The following DNAH8 variants were observed in gnomAD, a reference collection of about 807,000 sequenced individuals.
DNAH8 encodes axonemal beta dynein heavy chain 8.
A neutral mutation model predicts 562.1 loss-of-function variants in DNAH8; 382 were observed. The ratio of observed to expected loss-of-function variants is 0.68; its 90% CI spans 0.63 to 0.74. The LOEUF (loss-of-function observed/expected upper bound fraction) is 0.74, where lower values mean the gene tolerates loss of function less well. DNAH8 is among the 30% of genes least tolerant of loss of function. DNAH8 has a pLI of 0.00. For synonymous variants in DNAH8, 1,881 were observed against 1,919.4 expected (o/e 0.98, Z 0.52); for missense variants, 5,203 against 5,620.4 (o/e 0.93, Z 2.37).
At chr6:38,855,425 G>A (rs1326188234) in intron 41 of DNAH8, among the ~76,000 whole-genome samples, 1 of 151,964 alleles carries the variant, frequency 6.6e-6, no homozygotes, top group Non-Finnish European at 1.5e-5. Context: ...TCTACCACCT[G>A]GAAATTATGA....
At chr6:38,993,421 C>A (rs1764921562) in intron 88 of DNAH8, among the ~76,000 whole-genome samples, 1 of 146,754 alleles carries the variant, frequency 6.8e-6, no homozygotes, top group South Asian at 2.2e-4. Context: ...TTATTTGTTT[C>A]TGTTTGTATT....
intron 12 of DNAH8, among the ~76,000 whole-genome samples, chr6:38,772,628 G>A (rs1329216056): frequency 6.6e-6 from 1 of 151,994 alleles, no homozygotes; most frequent in African/African-American, 2.4e-5. Flanking sequence ...TGATTTACAC[G>A]TATTTTCTCT....
chr6:38,725,308 A>ATAATAATAG (rs1763124156), intron 3 of DNAH8, among the ~76,000 whole-genome samples: 1 of 141,106 alleles, frequency 7.1e-6, no homozygotes, highest in African/African-American at 2.7e-5. Flanking sequence ...AACTCATATA[A>ATAATAATAG]TAATAATAAT....
At position 38,850,210 on chromosome 6, in the gene DNAH8, A is replaced by G. The variant is rs1426806939; in HGVS notation, c.5200-41A>G. 3.2e-6 allele frequency: 5 copies of G among 1,587,026 alleles called. No individual in the cohort carries two copies. In the East Asian group the frequency reaches 1.1e-4, roughly 36 times the overall value. On this transcript the variant is annotated intron_variant, in intron 37 of 92. Transcript: ENST00000327475. ...GTGAAGACTTTGCTTTTTTTCAATT[A>G]TCCAAATGCTAATCTTTACTGGCTA...
chr6:38,767,431 C>CG (rs763825903), intron 11 of DNAH8, among the ~76,000 whole-genome samples: 2 of 112,522 alleles, frequency 1.8e-5, no homozygotes, highest in Non-Finnish European at 3.8e-5. Flanking sequence ...GAACAAAACT[C>CG]CATCTCAGGA....
chr6:38,785,464 T>C (rs1769061766), intron 17 of DNAH8, among the ~76,000 whole-genome samples: 1 of 152,238 alleles, frequency 6.6e-6, no homozygotes, highest in Admixed American at 6.5e-5. Flanking sequence ...AAGACAGATT[T>C]AAATGTTCAA....
At chr6:38,996,941 G>A (rs1765172653) in intron 88 of DNAH8, among the ~76,000 whole-genome samples, 1 of 148,548 alleles carries the variant, frequency 6.7e-6, no homozygotes, top group African/African-American at 2.4e-5. Flanking sequence ...CACTAGTGAG[G>A]TCAGGTAGAA....
intron 24 of DNAH8, among the ~76,000 whole-genome samples, chr6:38,810,328 A>C (rs908156866): frequency 1.3e-5 from 2 of 152,176 alleles, no homozygotes; most frequent in Admixed American, 1.3e-4. Context: ...GCAGTGGCTC[A>C]CCTCTGTAAT....
intron 74 of DNAH8, among the ~76,000 whole-genome samples, chr6:38,928,321 G>C (rs1337246640): frequency 1.4e-4 from 21 of 152,130 alleles, no homozygotes; most frequent in Admixed American, 1.4e-3. Context: ...CCTTACTTGG[G>C]AAAGATATCA....
rs1431126991 is a variant in DNAH8, at chr6:38,915,285, A to G, written c.10048A>G (p.Ile3350Val). 6.2e-7 allele frequency: 1 copy of G among 1,611,246 alleles called. No homozygotes were observed. The highest frequency in any genetic ancestry group is 8.5e-7 in the Non-Finnish European group (1 of 1,178,962). ...VQEVKDKAQK[I>V]VDEIDSEKVK... ...GGAGGTAAAGGACAAAGCCCAAAAAATTGTGGATGAAATTGATAGTGAAAA... is the reference window on the plus strand; with the variant it reads ...GGAGGTAAAGGACAAAGCCCAAAAAGTTGTGGATGAAATTGATAGTGAAAA... Residue 3350 changes from isoleucine (I) to valine (V), a missense_variant, in exon 68 of 93, where the codon ATT (isoleucine) becomes GTT (valine). Transcript: ENST00000327475.
At position 39,008,810 on chromosome 6, in the gene DNAH8, C is replaced by T. The variant is rs373756546; in HGVS notation, c.13215-4C>T. 9.5e-6 allele frequency: 15 copies of T among 1,575,072 alleles called. No individual in the cohort carries two copies. The highest frequency in any genetic ancestry group is 1.2e-5 in the Non-Finnish European group (14 of 1,151,524). ...CATTCTGAACAGCTCACTCTTTTTACTAGGTATCAGAGTAACACTGCTTCT... is the reference window on the plus strand; with the variant it reads ...CATTCTGAACAGCTCACTCTTTTTATTAGGTATCAGAGTAACACTGCTTCT... On this transcript the variant is annotated splice_region_variant and splice_polypyrimidine_tract_variant and intron_variant, in intron 88 of 92. Transcript: ENST00000327475.
In DNAH8 at chr6:38,896,194, C is replaced by T. The variant is rs150571615; in HGVS notation, c.8909C>T (p.Ser2970Phe). 3.0e-4 allele frequency: 480 copies of T among 1,613,978 alleles called. 3 individuals are homozygous for T. The African/African-American group carries it at 5.4e-3, about 18-fold the overall frequency. Residue 2970 changes from serine (S) to phenylalanine (F), a missense_variant, in exon 60 of 93, where the codon TCT becomes TTT. Ser to Phe is a radical substitution (Grantham distance 155). Coordinates refer to ENST00000327475, the MANE Select transcript of DNAH8 (RefSeq NM_001206927.2). ...CCAACTGGTGATGAACCTGAAGACT[C>T]TGTGTTTGAAGTACCCAAAATATAT... Reference protein sequence around the residue: ...PEPTGDEPEDSVFEVPKIYEL... With the variant: ...PEPTGDEPEDFVFEVPKIYEL...
chr6:38,799,147 T>G (rs964038479), intron 21 of DNAH8, among the ~76,000 whole-genome samples: 1 of 152,164 alleles, frequency 6.6e-6, no homozygotes, highest in Non-Finnish European at 1.5e-5. Flanking sequence ...ATGGCTTTGA[T>G]GGAGTGACAG....
At chr6:38,962,289 G>A (rs1393780765) in intron 82 of DNAH8, among the ~76,000 whole-genome samples, 1 of 151,944 alleles carries the variant, frequency 6.6e-6, no homozygotes, top group East Asian at 1.9e-4. Flanking sequence ...GATAGTAGAG[G>A]GATATTAGAG....
Position 38,951,449 on chromosome 6 carries a change from T to A in DNAH8, c.12380T>A (p.Leu4127Gln). 2 of 1,614,150 alleles carry A rather than the reference T, an allele frequency of 1.2e-6. No homozygotes were observed. The highest frequency in any genetic ancestry group is 1.7e-6 in the Non-Finnish European group (2 of 1,180,024). The change falls in exon 82 of 93, where the codon CTG (leucine) becomes CAG (glutamine). Residue 4127 changes from leucine to glutamine, a missense_variant. By Grantham distance (113) the Leu-to-Gln change is moderately radical (BLOSUM62 -2). Transcript: ENST00000327475. ...TWEESDTRTPLICFLSMGSDP... is the reference protein window; with the variant it reads ...TWEESDTRTPQICFLSMGSDP... Reference sequence around the variant, plus strand: ...GAAGAAAGTGATACCCGGACACCTCTGATATGCTTCCTGTCCATGGGATCT... The same window carrying A: ...GAAGAAAGTGATACCCGGACACCTCAGATATGCTTCCTGTCCATGGGATCT...
chr6:38,867,767 A>C (rs1455454450), intron 47 of DNAH8, among the ~76,000 whole-genome samples: 7 of 151,820 alleles, frequency 4.6e-5, no homozygotes, highest in South Asian at 4.2e-4. Flanking sequence ...AAAAAAAAAA[A>C]AAAAACAAAA....
At chr6:38,901,331 G>A (rs1380905933) in intron 62 of DNAH8, among the ~76,000 whole-genome samples, 1 of 151,738 alleles carries the variant, frequency 6.6e-6, no homozygotes, top group Non-Finnish European at 1.5e-5. Context: ...TTCTCATTTA[G>A]TACTATAACT....
chr6:38,972,727 G>A (rs1383473185), intron 83 of DNAH8, among the ~76,000 whole-genome samples: 1 of 152,190 alleles, frequency 6.6e-6, no homozygotes, highest in Non-Finnish European at 1.5e-5. Context: ...ACATGAGCAG[G>A]TGCAGCCATG....
rs137967997 is a variant in DNAH8, at chr6:38,804,759, AAGAGAGAG to A, written c.3035-698_3035-691del. Among the ~76,000 whole-genome samples the A allele has an allele frequency of 3.7e-3, 408 of 111,180 alleles. 2 individuals are homozygous for A. The highest frequency in any genetic ancestry group is 0.011 in the African/African-American group (348 of 32,306). 72.9% of individuals were successfully genotyped at this position (111,180 alleles called of 152,430 possible). A position where few individuals can be genotyped will look rare whatever the true frequency, so the allele number is the denominator to read the frequency against. On this transcript the variant is annotated intron_variant, in intron 22 of 92. Transcript: ENST00000327475. The stretch of plus-strand genomic sequence containing the variant: ...GATCCCATGAAAGTGACATAGCAAG[AAGAGAGAG>A]AGAGAGAGAGAGAGAGAGAGAGAAA...
Sources: allele counts gnomAD v4.1 joint callset (sites outside exome capture counted in the v4.1 genomes callset), GRCh38; gene constraint gnomAD v4.1.1; transcripts MANE v1.5; gene names NCBI Gene and HGNC (gene_info 2026-07-23, HGNC 2026-07-21).